Variants in USH2A observed in about 807,000 individuals in gnomAD.
USH2A encodes the protein usherin, also known as Usher syndrome 2A (autosomal recessive, mild).
Under a neutral mutation model 538.9 loss-of-function variants are expected in USH2A, and 443 were observed. The observed-to-expected ratio is 0.82, with a 90% CI of 0.76 to 0.89. The LOEUF (loss-of-function observed/expected upper bound fraction) is 0.89. Ranked by LOEUF, USH2A falls within the 40% of genes least tolerant of loss-of-function variation. USH2A has a pLI of 0.00. For missense variants in USH2A, 6,633 were observed against 6,324.8 expected (o/e 1.05, Z -1.65); for synonymous variants, 2,413 against 2,273.5 (o/e 1.06, Z -1.75).
intron 58 of USH2A, among the ~76,000 whole-genome samples, chr1:215,749,840 T>A (rs1445336187): frequency 6.6e-6 from 1 of 152,200 alleles, no homozygotes; most frequent in East Asian, 1.9e-4. Context: ...GAACAAGGAT[T>A]TCGTTGGTTA....
chr1:215,966,782 A>G (rs1337635111), intron 36 of USH2A, among the ~76,000 whole-genome samples: 1 of 152,200 alleles, frequency 6.6e-6, no homozygotes, highest in African/African-American at 2.4e-5. Context: ...ATATTATTGT[A>G]CATAGAATGA....
At chr1:216,316,070 A>G (rs2037503224) in intron 9 of USH2A, among the ~76,000 whole-genome samples, 1 of 152,192 alleles carries the variant, frequency 6.6e-6, no homozygotes, top group East Asian at 1.9e-4. Context: ...TGTATCATAC[A>G]TTAAAGTCAA....
chr1:216,028,981 G>A (rs547373807), intron 32 of USH2A, among the ~76,000 whole-genome samples: 4 of 152,152 alleles, frequency 2.6e-5, no homozygotes, highest in African/African-American at 9.6e-5. Context: ...TAGTGATTGT[G>A]TCTGGTAGAT....
intron 48 of USH2A, 82 bp downstream of exon 48, chr1:215,816,915 T>C: frequency 7.2e-7 from 1 of 1,387,290 alleles, no homozygotes; most frequent in Non-Finnish European, 1.0e-6. Flanking sequence ...TCATAATACA[T>C]CATGGTGTGA....
At chr1:216,145,422 C>T (rs2033677414) in intron 21 of USH2A, among the ~76,000 whole-genome samples, 1 of 152,150 alleles carries the variant, frequency 6.6e-6, no homozygotes, top group Admixed American at 6.5e-5. Context: ...AAACAAATAG[C>T]AAATCTATGT....
intron 14 of USH2A, among the ~76,000 whole-genome samples, chr1:216,224,495 T>C (rs1489042143): frequency 1.3e-5 from 2 of 152,184 alleles, no homozygotes; most frequent in Non-Finnish European, 2.9e-5. Flanking sequence ...TGCACTAGGA[T>C]CAGCTTTTTA....
At chr1:216,317,996 A>G (rs2037540459) in intron 9 of USH2A, among the ~76,000 whole-genome samples, 1 of 152,226 alleles carries the variant, frequency 6.6e-6, no homozygotes, top group South Asian at 2.1e-4. Flanking sequence ...TAAACAAATG[A>G]ATAGTATTTT....
At chr1:215,882,193 A>G (rs1664927571) in intron 41 of USH2A, among the ~76,000 whole-genome samples, 6 of 152,200 alleles carry the variant, frequency 3.9e-5, no homozygotes, top group Admixed American at 3.9e-4. Flanking sequence ...AACATTTAAC[A>G]TCTCCAGGCC....
At chr1:216,301,803 G>T (rs2037221146) in intron 9 of USH2A, among the ~76,000 whole-genome samples, 1 of 152,116 alleles carries the variant, frequency 6.6e-6, no homozygotes, top group African/African-American at 2.4e-5. Flanking sequence ...ATGAATTGCA[G>T]ACCCTCTGAA....
intron 3 of USH2A, among the ~76,000 whole-genome samples, chr1:216,388,017 T>C (rs993885120): frequency 1.3e-5 from 2 of 152,140 alleles, no homozygotes; most frequent in African/African-American, 4.8e-5. Context: ...TAGCTTCCCC[T>C]TGAATAGCAT....
intron 34 of USH2A, among the ~76,000 whole-genome samples, chr1:215,998,610 A>T (rs1312222768): frequency 6.6e-6 from 1 of 152,110 alleles, no homozygotes; most frequent in Non-Finnish European, 1.5e-5. Context: ...ATGTTCTACA[A>T]GTAATTTTGA....
At chr1:215,732,105 T>C (rs1398624780) in intron 60 of USH2A, among the ~76,000 whole-genome samples, 2 of 152,198 alleles carry the variant, frequency 1.3e-5, no homozygotes, top group East Asian at 1.9e-4. Flanking sequence ...GCATCTGGCA[T>C]TGAACAAGGA....
chr1:216,068,155 G>A (rs745527848), intron 30 of USH2A, among the ~76,000 whole-genome samples: 5 of 152,168 alleles, frequency 3.3e-5, no homozygotes, highest in Non-Finnish European at 7.4e-5. Flanking sequence ...TTTTGCCTAT[G>A]TAAACATGGC....
intron 38 of USH2A, among the ~76,000 whole-genome samples, chr1:215,912,781 A>T (rs1342247926): frequency 2.0e-5 from 3 of 151,826 alleles, no homozygotes; most frequent in African/African-American, 7.3e-5. Flanking sequence ...CCCAAAGGTT[A>T]TTTTTTCTGT....
chr1:215,802,957 T>A (rs11526532), intron 49 of USH2A, among the ~76,000 whole-genome samples: 66,738 of 151,940 alleles, frequency 0.44, 15,247 homozygotes, highest in Admixed American at 0.56. Flanking sequence ...TCCTGACACG[T>A]ACGACAACAT....
chr1:216,179,871 T>C (rs1023647062), intron 20 of USH2A, among the ~76,000 whole-genome samples: 43 of 152,198 alleles, frequency 2.8e-4, no homozygotes, highest in African/African-American at 1.0e-3. Flanking sequence ...TACAAAACAG[T>C]TCGTTAAGAG....
intron 20 of USH2A, among the ~76,000 whole-genome samples, chr1:216,176,538 G>A (rs1272750193): frequency 1.3e-5 from 2 of 152,160 alleles, no homozygotes; most frequent in East Asian, 3.9e-4. Flanking sequence ...TGCTACAGTA[G>A]ATAAATCTGC....
intron 18 of USH2A, among the ~76,000 whole-genome samples, chr1:216,197,807 ACT>A (rs1435464083): frequency 6.6e-6 from 1 of 152,172 alleles, no homozygotes; most frequent in East Asian, 1.9e-4. Context: ...CATCATGCCA[ACT>A]GCTTACAAGC....
At chr1:216,084,554 T>C in intron 25 of USH2A, 144 bp downstream of exon 25, 3 of 798,654 alleles carry the variant, frequency 3.8e-6, no homozygotes, top group Non-Finnish European at 5.9e-6. Context: ...CAAGAATATA[T>C]TTGTGTGCAC....
Sources: gnomAD v4.1 joint callset for allele counts (sites outside exome capture counted in the v4.1 genomes callset) on GRCh38, gnomAD v4.1.1 for gene constraint, MANE v1.5 for transcripts, NCBI Gene and HGNC (gene_info 2026-07-23, HGNC 2026-07-21) for gene names.